CPXM2: variants seen among roughly 807,000 people sequenced by gnomAD.
CPXM2 encodes carboxypeptidase X, M14 family member 2.
CPXM2 carries 66 observed loss-of-function variants against 86.1 expected under a neutral mutation model. The observed-to-expected ratio is 0.77, with a 90% CI of 0.63 to 0.94. CPXM2 has a LOEUF of 0.94. Ranked by LOEUF, CPXM2 falls within the 40% of genes least tolerant of loss-of-function variation. CPXM2 has a pLI of 0.00. For missense variants in CPXM2, 948 were observed against 1,026.3 expected (o/e 0.92, Z 1.04); for synonymous variants, 388 against 400.2 (o/e 0.97, Z 0.36).
intron 1 of CPXM2, among the ~76,000 whole-genome samples, chr10:123,887,411 A>G (rs1945195817): frequency 1.3e-5 from 2 of 152,228 alleles, no homozygotes; most frequent in African/African-American, 4.8e-5. Flanking sequence ...GAACCTGTAC[A>G]TGTGATAAAA....
chr10:123,925,464 G>C (rs1945615109), intron 2 of CPXM2, among the ~76,000 whole-genome samples: 4 of 152,182 alleles, frequency 2.6e-5, no homozygotes, highest in Admixed American at 2.6e-4. Flanking sequence ...AGTGTACCGG[G>C]AGAGATAGTG....
At chr10:123,796,686 A>G (rs1847342026) in intron 6 of CPXM2, among the ~76,000 whole-genome samples, 1 of 152,214 alleles carries the variant, frequency 6.6e-6, no homozygotes, top group Non-Finnish European at 1.5e-5. Context: ...TAAGTTCATG[A>G]AGAGGGGGTT....
At chr10:123,811,823 T>C (rs1002476212) in intron 4 of CPXM2, among the ~76,000 whole-genome samples, 6 of 151,092 alleles carry the variant, frequency 4.0e-5, no homozygotes, top group Non-Finnish European at 5.9e-5. Context: ...CAAATAAACA[T>C]AGGAAAGGAA....
chr10:123,794,745 G>A (rs1394671542), intron 6 of CPXM2, among the ~76,000 whole-genome samples: 1 of 150,684 alleles, frequency 6.6e-6, no homozygotes, highest in Non-Finnish European at 1.5e-5. Context: ...GTGTGTGTGT[G>A]TGTGTGTGTG....
Position 123,825,278 on chromosome 10 carries a change from A to G in CPXM2, c.653+17071T>C, listed in dbSNP as rs532907602. Reference sequence around the variant, plus strand: ...GGGGCAGGGTGAAATGCCCGTATATAAGGCCAAAGTCATCTTGGGTCATGC... The same window carrying G: ...GGGGCAGGGTGAAATGCCCGTATATGAGGCCAAAGTCATCTTGGGTCATGC... On this transcript the variant is annotated intron_variant, in intron 4 of 13. Transcript: ENST00000241305. Among the ~76,000 whole-genome samples the G allele has an allele frequency of 1.1e-4, 16 of 152,292 alleles. No individual in the cohort carries two copies. The East Asian group carries it at 2.9e-3, about 28-fold the overall frequency.
In CPXM2 at chr10:123,788,628, T is replaced by C. The variant is rs118117717; in HGVS notation, c.890-8373A>G. ...AGCACATTTAAAGACAAGACGCCTC[T>C]TCCCCTAAGCTGGCTTCAGAATAAA... On this transcript the variant is annotated intron_variant, in intron 6 of 13. Transcript: ENST00000241305. Among the ~76,000 whole-genome samples, 36 of 152,336 alleles carry C rather than the reference T, an allele frequency of 2.4e-4. No individual in the cohort carries two copies. The East Asian group carries it at 6.8e-3, about 29-fold the overall frequency.
chr10:123,757,098 G>C (rs1846230953), intron 12 of CPXM2, 115 bp downstream of exon 12: 1 of 950,944 alleles, frequency 1.1e-6, no homozygotes, highest in African/African-American at 1.6e-5. Context: ...CACTGTGCTG[G>C]CCCAGGATGA....
chr10:123,750,674 G>C (rs1488083620), intron 13 of CPXM2: 1 of 979,500 alleles, frequency 1.0e-6, no homozygotes, highest in Non-Finnish European at 1.2e-6. Flanking sequence ...AGTATTTCTA[G>C]TCTGGTACAC....
intron 2 of CPXM2, among the ~76,000 whole-genome samples, chr10:123,931,839 A>G (rs1292428807): frequency 3.9e-5 from 6 of 152,224 alleles, no homozygotes; most frequent in Admixed American, 1.3e-4. Context: ...ATTGTTCAGA[A>G]TAGCACTGCC....
chr10:123,759,729 T>C (rs1340761372), intron 11 of CPXM2, among the ~76,000 whole-genome samples: 1 of 152,220 alleles, frequency 6.6e-6, no homozygotes, highest in Non-Finnish European at 1.5e-5. Flanking sequence ...CACAGCCGCA[T>C]TCCTTACAGC....
At chr10:123,888,247 C>CA (rs1385732492) in intron 1 of CPXM2, among the ~76,000 whole-genome samples, 2 of 152,228 alleles carry the variant, frequency 1.3e-5, no homozygotes, top group Middle Eastern at 3.2e-3. Flanking sequence ...TCCTTGCACT[C>CA]ACCTTTATGC....
chr10:123,936,264 G>C (rs1330125413), intron 2 of CPXM2, among the ~76,000 whole-genome samples: 1 of 152,146 alleles, frequency 6.6e-6, no homozygotes, highest in East Asian at 1.9e-4. Flanking sequence ...AAAGCCACCA[G>C]GGAGTAAGAG....
In CPXM2 at chr10:123,768,597, G is replaced by T; in HGVS notation, c.1228C>A (p.Leu410Met). The change falls in exon 9 of 14, where the codon CTG (leucine) becomes ATG (methionine). Residue 410 changes from leucine (L) to methionine (M), a missense_variant. Transcript: ENST00000241305. ...YLARNARIVH[L>M]VEETRIHVLP... is the part of the protein sequence containing the mutation. ...ACGTGAATCCGCGTCTCCTCCACCA[G>T]GTGGACGATGCGCGCATTCCGGGCC... 1 of 1,614,058 alleles carries T rather than the reference G, an allele frequency of 6.2e-7. No individual in the cohort carries two copies. The highest frequency in any genetic ancestry group is 8.5e-7 in the Non-Finnish European group (1 of 1,179,980).
In CPXM2 at chr10:123,936,016, TCAC is replaced by T. The variant is rs543106949; in HGVS notation, n.174+3458_174+3460del. Among the ~76,000 whole-genome samples the T allele has an allele frequency of 8.1e-3, 761 of 94,424 alleles. 2 individuals are homozygous for T. Among genetic ancestry groups the T allele is most frequent in the Non-Finnish European group, 0.013 (556 of 42,014 alleles). 61.9% of individuals were successfully genotyped at this position (94,424 alleles called of 152,430 possible). ...ACCATCACCAGCATCCTTACCATCA[TCAC>T]CACCACCAACACCAGCATCTTCACC... On this transcript the variant is annotated intron_variant and non_coding_transcript_variant, in intron 2 of 19. Coordinates refer to the CPXM2 transcript ENST00000368854.
intron 4 of CPXM2, among the ~76,000 whole-genome samples, chr10:123,836,455 C>T (rs11248295): frequency 1.3e-5 from 2 of 151,974 alleles, no homozygotes; most frequent in East Asian, 1.9e-4. Flanking sequence ...AGTGCCACAA[C>T]GCCCTTGTTC....
chr10:123,789,044 C>A (rs1847142018), intron 6 of CPXM2, among the ~76,000 whole-genome samples: 1 of 152,120 alleles, frequency 6.6e-6, no homozygotes, highest in Non-Finnish European at 1.5e-5. Context: ...CAAACCCCAA[C>A]ATGCTCAGCA....
chr10:123,797,149 C>A (rs1170264093), intron 6 of CPXM2, among the ~76,000 whole-genome samples: 1 of 152,226 alleles, frequency 6.6e-6, no homozygotes, highest in South Asian at 2.1e-4. Flanking sequence ...CCCCAAATAT[C>A]TCATGTGAAA....
chr10:123,942,665 A>C (rs1287109363), upstream of CPXM2, among the ~76,000 whole-genome samples: 2 of 152,232 alleles, frequency 1.3e-5, no homozygotes, highest in African/African-American at 4.8e-5. Flanking sequence ...CCCCTTGTTT[A>C]ACATATGATC....
chr10:123,925,285 G>T (rs1451593803), intron 2 of CPXM2, among the ~76,000 whole-genome samples: 4 of 152,090 alleles, frequency 2.6e-5, no homozygotes, highest in Non-Finnish European at 5.9e-5. Flanking sequence ...GAGAATTCAG[G>T]CTTGAAAGCT....
Sources: allele counts gnomAD v4.1 joint callset (sites outside exome capture counted in the v4.1 genomes callset), GRCh38; gene constraint gnomAD v4.1.1; transcripts MANE v1.5; gene names NCBI Gene and HGNC (gene_info 2026-07-23, HGNC 2026-07-21).